DST: variants seen among roughly 807,000 people sequenced by gnomAD.
The protein encoded by DST is bullous pemphigoid antigen.
DST carries 253 observed loss-of-function variants against 875.2 expected under a neutral mutation model. The ratio of observed to expected loss-of-function variants is 0.29; its 90% CI spans 0.26 to 0.32. The LOEUF (loss-of-function observed/expected upper bound fraction) is 0.32. DST is among the 10% of genes least tolerant of loss of function. DST has a pLI of 1.00. For synonymous variants in DST, 3,124 were observed against 3,197.1 expected, an observed-to-expected ratio of 0.98 and a Z score of 0.77; for missense variants, 8,287 against 9,111.6, an observed-to-expected ratio of 0.91 and a Z score of 3.68.
At chr6:56,570,486 A>C (rs1264959940) in intron 53 of DST, among the ~76,000 whole-genome samples, 1 of 152,118 alleles carries the variant, frequency 6.6e-6, no homozygotes, top group East Asian at 1.9e-4. Flanking sequence ...CATGCAGTTC[A>C]CAATAGGGTT....
At chr6:56,834,910 G>A (rs572238857) in intron 4 of DST, among the ~76,000 whole-genome samples, 51 of 152,306 alleles carry the variant, frequency 3.3e-4, no homozygotes, top group African/African-American at 1.1e-3. Flanking sequence ...GTTTAGAGCA[G>A]TTGTATTCAT....
intron 3 of DST, among the ~76,000 whole-genome samples, chr6:56,893,438 A>G (rs1345924393): frequency 6.6e-6 from 1 of 152,066 alleles, no homozygotes; most frequent in African/African-American, 2.4e-5. Context: ...CAATTTTGGA[A>G]TTGTGAATTG....
intron 3 of DST, among the ~76,000 whole-genome samples, chr6:56,894,534 ACC>A (rs1282382056): frequency 9.1e-5 from 3 of 32,938 alleles, no homozygotes; most frequent in Admixed American, 2.7e-4. Flanking sequence ...CGGGGGGCTG[ACC>A]CCCCCCACCT....
intron 10 of DST, among the ~76,000 whole-genome samples, chr6:56,665,325 C>T (rs1476342397): frequency 3.3e-5 from 5 of 152,126 alleles, no homozygotes; most frequent in Non-Finnish European, 7.4e-5. Context: ...CTAAATTAAA[C>T]CCTCATTAAT....
At chr6:56,920,074 G>A (rs1803312528) in intron 2 of DST, among the ~76,000 whole-genome samples, 1 of 152,128 alleles carries the variant, frequency 6.6e-6, no homozygotes, top group African/African-American at 2.4e-5. Context: ...CAAATATATA[G>A]ACTGTTTACA....
At chr6:56,635,330 A>G (rs1416911431) in intron 24 of DST, among the ~76,000 whole-genome samples, 1 of 152,120 alleles carries the variant, frequency 6.6e-6, no homozygotes, top group Non-Finnish European at 1.5e-5. Flanking sequence ...AAGTATTTGC[A>G]AAATGAATAA....
chr6:56,845,374 G>A (rs910589430), intron 4 of DST, among the ~76,000 whole-genome samples: 3 of 151,522 alleles, frequency 2.0e-5, no homozygotes, highest in Admixed American at 1.3e-4. Flanking sequence ...TTGTGTACTC[G>A]TGGGAAAAAA....
chr6:56,904,776 C>A (rs117624679), intron 2 of DST, among the ~76,000 whole-genome samples: 1 of 152,032 alleles, frequency 6.6e-6, no homozygotes, highest in South Asian at 2.1e-4. Context: ...ATAAGTTCTT[C>A]CAGGTGTTAA....
chr6:56,462,271 T>A (rs1220972210), intron 102 of DST, among the ~76,000 whole-genome samples: 2 of 152,208 alleles, frequency 1.3e-5, no homozygotes, highest in South Asian at 2.1e-4. Flanking sequence ...CTTAAAAAGA[T>A]ATACAGCTGA....
chr6:56,644,321 T>C lies in DST; in HGVS notation c.1778+1545A>G, dbSNP rs1038966441. Among the ~76,000 whole-genome samples, 5 of 152,248 alleles carry C rather than the reference T, an allele frequency of 3.3e-5. 1 individual carries two copies. The South Asian group carries it at 8.3e-4, about 25-fold the overall frequency. ...GTTATGTACACATATTATTATACTT[T>C]AACATAAATGTAATCAGTAATTTAA... On this transcript the variant is annotated intron_variant, in intron 15 of 103. Transcript: ENST00000680361.
chr6:56,734,943 A>G (rs573299457), intron 5 of DST: 1 of 288,858 alleles, frequency 3.5e-6, no homozygotes, highest in South Asian at 5.2e-5. Context: ...AAATATTTAC[A>G]GATTTCTGAA....
chr6:56,546,346 TCATATATATATATATATATATATATA>T (rs1219912177), intron 61 of DST, among the ~76,000 whole-genome samples: 1 of 59,870 alleles, frequency 1.7e-5, no homozygotes, highest in Non-Finnish European at 3.3e-5. Flanking sequence ...TATACATATT[TCATATATATATATATATATATATATA>T]TATATATATA....
At chr6:56,649,932 G>A (rs1262124146) in intron 12 of DST, among the ~76,000 whole-genome samples, 1 of 151,902 alleles carries the variant, frequency 6.6e-6, no homozygotes, top group Non-Finnish European at 1.5e-5. Context: ...AGCAGGATCA[G>A]CATGAAGGTT....
chr6:56,732,556 T>A (rs2099504946), intron 5 of DST, among the ~76,000 whole-genome samples: 2 of 152,066 alleles, frequency 1.3e-5, no homozygotes, highest in African/African-American at 2.4e-5. Flanking sequence ...ACCAAATATT[T>A]TAAGAAGAAA....
intron 3 of DST, among the ~76,000 whole-genome samples, chr6:56,899,356 T>C (rs1792934285): frequency 6.6e-6 from 1 of 152,096 alleles, no homozygotes; most frequent in Non-Finnish European, 1.5e-5. Flanking sequence ...AATATGTACT[T>C]TTTTTTCAAT....
At chr6:56,599,958 C>T in intron 45 of DST, 111 bp downstream of exon 45, 1 of 1,073,956 alleles carries the variant, frequency 9.3e-7, no homozygotes, top group Non-Finnish European at 1.3e-6. Flanking sequence ...GTATGCCTTG[C>T]TTCTAAAAAG....
intron 61 of DST, 33 bp from the exon 62 acceptor site, chr6:56,536,973 A>G: frequency 1.3e-6 from 2 of 1,592,324 alleles, no homozygotes; most frequent in South Asian, 1.1e-5. Context: ...TATATGAGTT[A>G]TATTACCTAT....
intron 64 of DST, 122 bp downstream of exon 64, chr6:56,532,222 G>A: frequency 1.1e-6 from 1 of 904,086 alleles, no homozygotes; most frequent in Non-Finnish European, 1.7e-6. Flanking sequence ...TGCTATCTCT[G>A]TTCACATACA....
At chr6:56,678,170 T>C (rs1432586758) in intron 9 of DST, among the ~76,000 whole-genome samples, 1 of 152,230 alleles carries the variant, frequency 6.6e-6, no homozygotes, top group Non-Finnish European at 1.5e-5. Flanking sequence ...ATGTGGCACC[T>C]GGCCGTGTGC....
Sources: gnomAD v4.1 joint callset for allele counts (sites outside exome capture counted in the v4.1 genomes callset) on GRCh38, gnomAD v4.1.1 for gene constraint, MANE v1.5 for transcripts, NCBI Gene and HGNC (gene_info 2026-07-23, HGNC 2026-07-21) for gene names.